GRID2: variants seen among roughly 807,000 people sequenced by gnomAD.
The protein encoded by GRID2 is glutamate ionotropic receptor delta type subunit 2.
A neutral mutation model predicts 114.8 loss-of-function variants in GRID2; 33 were observed. That is an observed-to-expected ratio of 0.29 (90% CI 0.22 to 0.38). The LOEUF (loss-of-function observed/expected upper bound fraction) is 0.38, where lower values mean the gene tolerates loss of function less well. Among genes scored for constraint, GRID2 ranks in the 10% least tolerant of loss-of-function variants. GRID2 has a pLI of 1.00. For missense variants in GRID2, 1,184 were observed against 1,257.7 expected, an observed-to-expected ratio of 0.94 and a Z score of 0.89; for synonymous variants, 505 against 449.9, an observed-to-expected ratio of 1.12 and a Z score of -1.55.
intron 14 of GRID2, among the ~76,000 whole-genome samples, chr4:93,674,791 T>TA (rs1234914586): frequency 6.6e-6 from 1 of 151,846 alleles, no homozygotes; most frequent in Non-Finnish European, 1.5e-5. Context: ...AAGTGGACAT[T>TA]AAAAAAATGA....
intron 2 of GRID2, among the ~76,000 whole-genome samples, chr4:93,007,721 AT>A (rs1721698224): frequency 6.6e-6 from 1 of 152,022 alleles, no homozygotes; most frequent in Non-Finnish European, 1.5e-5. Flanking sequence ...ACAAATTAGA[AT>A]TTTGCAGTTC....
At chr4:92,570,111 A>G (rs1294692889) in intron 1 of GRID2, among the ~76,000 whole-genome samples, 2 of 152,120 alleles carry the variant, frequency 1.3e-5, no homozygotes, top group Non-Finnish European at 2.9e-5. Flanking sequence ...TAAACATTTA[A>G]TCCATCTTGA....
intron 4 of GRID2, among the ~76,000 whole-genome samples, chr4:93,143,788 A>G (rs1057137092): frequency 2.6e-5 from 4 of 152,216 alleles, no homozygotes; most frequent in African/African-American, 4.8e-5. Context: ...GGATTATTCT[A>G]ACATCTAAAC....
rs115980880 is a variant in GRID2, at chr4:93,006,654, C to T, written c.245-78341C>T. The stretch of plus-strand genomic sequence containing the variant: ...GTATAATATCAAAATATAAAAACAC[C>T]CCCAATTAAATAAGTTTTTTTTTCA... On this transcript the variant is annotated intron_variant, in intron 2 of 15. Coordinates refer to ENST00000282020, the MANE Select transcript of GRID2 (RefSeq NM_001510.4). Among the ~76,000 whole-genome samples, 762 of 150,118 alleles carry T rather than the reference C, an allele frequency of 5.1e-3. 9 individuals carry two copies. The highest frequency in any genetic ancestry group is 0.018 in the African/African-American group (728 of 41,160).
At chr4:92,844,728 A>T (rs1379384591) in intron 2 of GRID2, among the ~76,000 whole-genome samples, 1 of 151,862 alleles carries the variant, frequency 6.6e-6, no homozygotes, top group Non-Finnish European at 1.5e-5. Context: ...AAAGAAAGAA[A>T]AAAAAAAGAT....
chr4:92,575,675 A>G (rs1339951467), intron 1 of GRID2, among the ~76,000 whole-genome samples: 1 of 152,166 alleles, frequency 6.6e-6, no homozygotes, highest in Non-Finnish European at 1.5e-5. Context: ...GCTCCATTCC[A>G]GGGGATACTG....
intron 1 of GRID2, among the ~76,000 whole-genome samples, chr4:92,443,934 T>C (rs1194169388): frequency 6.6e-6 from 1 of 152,040 alleles, no homozygotes; most frequent in Non-Finnish European, 1.5e-5. Context: ...ATCTCCTTTG[T>C]CTCTCCCAGA....
At chr4:92,860,055 C>T (rs1235137721) in intron 2 of GRID2, among the ~76,000 whole-genome samples, 5 of 152,124 alleles carry the variant, frequency 3.3e-5, no homozygotes, top group Admixed American at 6.5e-5. Flanking sequence ...TAGTACTTCA[C>T]AAATATCATT....
intron 14 of GRID2, among the ~76,000 whole-genome samples, chr4:93,709,897 C>T (rs1425718403): frequency 3.9e-5 from 6 of 152,090 alleles, no homozygotes; most frequent in African/African-American, 7.2e-5. Flanking sequence ...TTTTTTAGCA[C>T]CAGAATTCAT....
chr4:92,756,279 C>CT (rs1042870281), intron 2 of GRID2, among the ~76,000 whole-genome samples: 4 of 151,996 alleles, frequency 2.6e-5, no homozygotes, highest in Admixed American at 6.6e-5. Flanking sequence ...TAATTTTGTT[C>CT]TTTTTTTAGC....
chr4:92,898,210 C>T (rs986657300), intron 2 of GRID2, among the ~76,000 whole-genome samples: 7 of 152,080 alleles, frequency 4.6e-5, no homozygotes, highest in Non-Finnish European at 7.4e-5. Context: ...AAAGAAAAGA[C>T]GCATATCCAT....
At chr4:93,119,981 G>C (rs1733629182) in intron 4 of GRID2, among the ~76,000 whole-genome samples, 1 of 152,074 alleles carries the variant, frequency 6.6e-6, no homozygotes, top group Non-Finnish European at 1.5e-5. Context: ...TCGCAAAAAT[G>C]TTCTCCCATT....
At chr4:93,472,099 C>A (rs1053029496) in intron 11 of GRID2, among the ~76,000 whole-genome samples, 11 of 150,886 alleles carry the variant, frequency 7.3e-5, no homozygotes, top group Non-Finnish European at 3.0e-5. Flanking sequence ...CTGAGGCGGG[C>A]GGATCACCTG....
intron 1 of GRID2, among the ~76,000 whole-genome samples, chr4:92,378,968 C>T (rs1729485954): frequency 6.6e-6 from 1 of 151,666 alleles, no homozygotes; most frequent in Admixed American, 6.6e-5. Context: ...TATTTATTTA[C>T]ACATAATTTA....
chr4:93,145,287 A>G (rs1443098772), intron 4 of GRID2, among the ~76,000 whole-genome samples: 2 of 152,008 alleles, frequency 1.3e-5, no homozygotes, highest in East Asian at 1.9e-4. Context: ...TTTTACTACT[A>G]TGTTTCTAGC....
chr4:93,678,150 C>T (rs59590735), intron 14 of GRID2, among the ~76,000 whole-genome samples: 2 of 151,758 alleles, frequency 1.3e-5, no homozygotes, highest in Admixed American at 6.6e-5. Context: ...CAGGAGCCGA[C>T]GCGATCAACT....
At chr4:93,604,932 C>T (rs1235661093) in intron 13 of GRID2, among the ~76,000 whole-genome samples, 2 of 152,118 alleles carry the variant, frequency 1.3e-5, no homozygotes, top group Admixed American at 6.5e-5. Flanking sequence ...TACTGGGAAA[C>T]CAAAAAGTCA....
chr4:93,504,799 GA>G (rs539966768), intron 12 of GRID2, among the ~76,000 whole-genome samples: 45 of 146,768 alleles, frequency 3.1e-4, no homozygotes, highest in East Asian at 1.6e-3. Context: ...AAATACAAGA[GA>G]AAAAAAAATG....
intron 2 of GRID2, among the ~76,000 whole-genome samples, chr4:92,852,154 G>A (rs1477555862): frequency 6.6e-6 from 1 of 151,910 alleles, no homozygotes; most frequent in Non-Finnish European, 1.5e-5. Context: ...TGTTTTCTCT[G>A]TATGTGGAGG....
Sources: gnomAD v4.1 joint callset for allele counts (sites outside exome capture counted in the v4.1 genomes callset) on GRCh38, gnomAD v4.1.1 for gene constraint, MANE v1.5 for transcripts, NCBI Gene and HGNC (gene_info 2026-07-23, HGNC 2026-07-21) for gene names.